The following MBTPS1 variants were observed in gnomAD, a reference collection of about 807,000 sequenced individuals.
The protein encoded by MBTPS1 is membrane bound transcription factor peptidase, site 1.
MBTPS1 carries 94 observed loss-of-function variants against 127.8 expected under a neutral mutation model. The ratio of observed to expected loss-of-function variants is 0.74; its 90% CI spans 0.62 to 0.87. The LOEUF is 0.87. Among genes scored for constraint, MBTPS1 ranks in the 40% least tolerant of loss-of-function variants. The pLI is 0.00. For missense variants in MBTPS1, 1,636 were observed against 1,353.2 expected (o/e 1.21, Z -3.28); for synonymous variants, 632 against 509.4 (o/e 1.24, Z -3.24).
chr16:84,097,373 T>A (rs1449472704), intron 3 of MBTPS1, among the ~76,000 whole-genome samples: 8 of 152,198 alleles, frequency 5.3e-5, no homozygotes, highest in Non-Finnish European at 8.8e-5. Context: ...GAGTATCATC[T>A]CCATTTTATG....
intron 8 of MBTPS1, 103 bp downstream of exon 8, chr16:84,090,772 G>A (rs2086093761): frequency 2.4e-6 from 2 of 845,368 alleles, no homozygotes; most frequent in Non-Finnish European, 4.0e-6. Flanking sequence ...GTTTTAGACA[G>A]ACATAAACAA....
At chr16:84,057,838 G>C (rs939412104) in intron 21 of MBTPS1, 8 of 152,228 alleles carry the variant, frequency 5.3e-5, no homozygotes, top group Non-Finnish European at 8.8e-5. Context: ...GGATGGGCCG[G>C]TTCAGTATGT....
In MBTPS1 at chr16:84,102,032, G is replaced by A. The variant is rs998146194; in HGVS notation, c.-249C>T. Reference sequence around the variant, plus strand: ...AGGCTTCTCTCACTCAGGCCGTGACGACTGAGTCCTGTACTCCATTTGTAC... The same window carrying A: ...AGGCTTCTCTCACTCAGGCCGTGACAACTGAGTCCTGTACTCCATTTGTAC... On this transcript the variant is annotated 5_prime_UTR_variant, in exon 2 of 23. Coordinates refer to ENST00000343411, the MANE Select transcript of MBTPS1 (RefSeq NM_003791.4). 1.9e-5 allele frequency: 9 copies of A among 462,422 alleles called. No individual in the cohort carries two copies. Among genetic ancestry groups the A allele is most frequent in the East Asian group, 1.1e-4 (3 of 26,212 alleles). 28.6% of individuals were successfully genotyped at this position (462,422 alleles called of 1,614,324 possible). A position where few individuals can be genotyped will look rare whatever the true frequency, so the allele number is the denominator to read the frequency against.
chr16:84,062,596 C>T (rs936516207), intron 19 of MBTPS1, among the ~76,000 whole-genome samples: 3 of 152,162 alleles, frequency 2.0e-5, no homozygotes, highest in Non-Finnish European at 2.9e-5. Flanking sequence ...GTGGTCACAG[C>T]GCATTAGAAG....
At chr16:84,067,139 T>C (rs1049636318) in intron 16 of MBTPS1, among the ~76,000 whole-genome samples, 5 of 152,164 alleles carry the variant, frequency 3.3e-5, no homozygotes, top group Non-Finnish European at 7.4e-5. Context: ...TAAGAAACAG[T>C]TCCTTTGGTG....
At position 84,081,822 on chromosome 16, in the gene MBTPS1, A is replaced by G; in HGVS notation, c.1373T>C (p.Met458Thr). The G allele has an allele frequency of 6.5e-7, 1 of 1,532,666 alleles. No homozygotes were observed. Among genetic ancestry groups the G allele is most frequent in the Non-Finnish European group, 8.8e-7 (1 of 1,139,264 alleles). The allele number at this position is 1,532,666 out of a possible 1,614,324, so 94.9% of individuals were successfully genotyped here. ...GAGCTTGCCGTGGCCTTGCTCAAAC[A>G]TGTTGACCCCGGGGAGCCTCCGGGC... Reference protein sequence around the residue: ...ASARRLPGVNMFEQGHGKLDL... With the variant: ...ASARRLPGVNTFEQGHGKLDL... Residue 458 changes from methionine (M) to threonine (T), a missense_variant, in exon 11 of 23, where the codon ATG becomes ACG. Transcript: ENST00000343411.
chr16:84,102,130 C>A (rs533701925), intron 1 of MBTPS1, 23 bp from the exon 2 acceptor site: 12 of 180,390 alleles, frequency 6.7e-5, no homozygotes, highest in Non-Finnish European at 2.3e-5. Context: ...AAACAGTGCA[C>A]ACAGACATTA....
In MBTPS1 at chr16:84,093,696, G is replaced by A. The variant is rs758233465; in HGVS notation, c.736+15C>T. 4 of 1,571,210 alleles carry A rather than the reference G, an allele frequency of 2.5e-6. No individual in the cohort carries two copies. Among genetic ancestry groups the A allele is most frequent in the Non-Finnish European group, 3.5e-6 (4 of 1,141,074 alleles). On this transcript the variant is annotated intron_variant, in intron 5 of 22. Transcript: ENST00000343411. The stretch of plus-strand genomic sequence containing the variant: ...TCGATCACATGACCACGTTCTCACT[G>A]CTGCTGAGACCCACCATCGTCCAGC...
intron 11 of MBTPS1, among the ~76,000 whole-genome samples, chr16:84,078,913 T>G (rs1330985989): frequency 6.6e-6 from 1 of 152,214 alleles, no homozygotes; most frequent in South Asian, 2.1e-4. Context: ...GTAGAAAGAA[T>G]GGGCGAGTGG....
chr16:84,075,630 G>A (rs1429368575), intron 11 of MBTPS1: 1 of 152,256 alleles, frequency 6.6e-6, no homozygotes, highest in Non-Finnish European at 1.5e-5. Flanking sequence ...CTCATTACAG[G>A]AGATGCCAGC....
At chr16:84,114,934 T>G (rs1174576878) in intron 1 of MBTPS1, among the ~76,000 whole-genome samples, 1 of 151,420 alleles carries the variant, frequency 6.6e-6, no homozygotes, top group Non-Finnish European at 1.5e-5. Context: ...TTTTTTTTTG[T>G]TTTTTGTTTT....
At chr16:84,056,435 C>T in intron 21 of MBTPS1, 1 of 258,196 alleles carries the variant, frequency 3.9e-6, no homozygotes, top group South Asian at 5.1e-5. Context: ...CTCGGGAGGA[C>T]ACTCCAAGCG....
chr16:84,060,261 C>A (rs1426451096), intron 20 of MBTPS1: 3 of 154,562 alleles, frequency 1.9e-5, no homozygotes, highest in African/African-American at 7.2e-5. Flanking sequence ...ATAATAACAT[C>A]TATTTTCACA....
intron 10 of MBTPS1, among the ~76,000 whole-genome samples, chr16:84,084,341 T>C (rs2085986739): frequency 6.6e-6 from 1 of 152,142 alleles, no homozygotes; most frequent in Admixed American, 6.6e-5. Flanking sequence ...TGAGATTCAG[T>C]GAGACAAAGC....
intron 10 of MBTPS1, among the ~76,000 whole-genome samples, chr16:84,084,501 C>T (rs2085989592): frequency 1.3e-5 from 2 of 152,216 alleles, no homozygotes; most frequent in African/African-American, 2.4e-5. Context: ...CTCCTTTTTA[C>T]TATCTATATG....
At chr16:84,087,486 AAAG>A in intron 8 of MBTPS1, 26 bp from the exon 9 acceptor site, 5 of 1,380,298 alleles carry the variant, frequency 3.6e-6, no homozygotes, top group African/African-American at 3.0e-5. Context: ...AAAAAAAAAA[AAAG>A]AAAAGAAAAA....
chr16:84,073,720 T>C (rs984639740), intron 12 of MBTPS1, among the ~76,000 whole-genome samples: 9 of 151,898 alleles, frequency 5.9e-5, no homozygotes, highest in East Asian at 3.9e-4. Flanking sequence ...AAGGATAGAA[T>C]ACTGGCTGGT....
At chr16:84,059,174 C>T (rs1010593120) in intron 21 of MBTPS1, 128 bp downstream of exon 21, 16 of 1,264,342 alleles carry the variant, frequency 1.3e-5, no homozygotes, top group African/African-American at 1.5e-5. Context: ...AAATAACTGT[C>T]GCAAATGACA....
chr16:84,068,312 T>C (rs1374613373), intron 15 of MBTPS1, 27 bp downstream of exon 15: 1 of 1,434,750 alleles, frequency 7.0e-7, no homozygotes, highest in East Asian at 2.3e-5. Flanking sequence ...GGAAAGACCA[T>C]CTGGCTAGCA....
Sources: allele counts gnomAD v4.1 joint callset (sites outside exome capture counted in the v4.1 genomes callset), GRCh38; gene constraint gnomAD v4.1.1; transcripts MANE v1.5; gene names NCBI Gene and HGNC (gene_info 2026-07-23, HGNC 2026-07-21).